Variants in PDLIM5 observed in about 807,000 individuals in gnomAD.
The protein encoded by PDLIM5 is PDZ and LIM domain 5.
PDLIM5 carries 34 observed loss-of-function variants against 64.2 expected under a neutral mutation model. That is an observed-to-expected ratio of 0.53 (90% CI 0.40 to 0.71). PDLIM5 has a LOEUF of 0.71. Among genes scored for constraint, PDLIM5 ranks in the 30% least tolerant of loss-of-function variants. PDLIM5 has a pLI of 0.00. For missense variants in PDLIM5, 683 were observed against 733.6 expected, an observed-to-expected ratio of 0.93 and a Z score of 0.80; for synonymous variants, 253 against 269.1, an observed-to-expected ratio of 0.94 and a Z score of 0.59.
chr4:94,582,099 C>T (rs1254420865), intron 5 of PDLIM5, among the ~76,000 whole-genome samples: 3 of 152,090 alleles, frequency 2.0e-5, no homozygotes, highest in Non-Finnish European at 2.9e-5. Context: ...TCATCATAGT[C>T]GCTACTAAGA....
intron 9 of PDLIM5, among the ~76,000 whole-genome samples, chr4:94,647,108 A>G (rs1741477064): frequency 6.6e-6 from 1 of 152,206 alleles, no homozygotes; most frequent in Admixed American, 6.5e-5. Flanking sequence ...GGCATACAAC[A>G]TAGAGAAAAT....
rs1339401840 is a variant in PDLIM5 at position 94,455,319 on chromosome 4, C to T, written c.31C>T (p.Pro11Ser). The T allele has an allele frequency of 2.5e-6, 4 of 1,613,368 alleles. No individual in the cohort carries two copies. The highest frequency in any genetic ancestry group is 3.4e-6 in the Non-Finnish European group (4 of 1,179,302). Reference protein sequence around the residue: MSNYSVSLVGPAPWGFRLQGG... With the variant: MSNYSVSLVGSAPWGFRLQGG... The stretch of plus-strand genomic sequence containing the variant: ...CAACTACAGTGTGTCACTGGTTGGC[C>T]CAGCTCCTTGGGGTTTCCGGCTGCA... The change falls in exon 2 of 13, where the codon CCA becomes TCA. Residue 11 changes from proline to serine, a missense_variant. Physicochemically the swap from Pro to Ser is moderately conservative, Grantham distance 74. Transcript: ENST00000317968.
At chr4:94,589,698 T>G (rs1335821066) in intron 7 of PDLIM5, among the ~76,000 whole-genome samples, 2 of 150,314 alleles carry the variant, frequency 1.3e-5, no homozygotes, top group African/African-American at 4.9e-5. Flanking sequence ...CTTAAGAATG[T>G]TTTCAACCTT....
At chr4:94,481,756 C>T (rs547089987) in intron 2 of PDLIM5, among the ~76,000 whole-genome samples, 1 of 150,704 alleles carries the variant, frequency 6.6e-6, no homozygotes, top group South Asian at 2.1e-4. Flanking sequence ...CTACAGGCGC[C>T]CGCCACCACA....
At chr4:94,530,138 C>T (rs1050128921) in intron 3 of PDLIM5, among the ~76,000 whole-genome samples, 7 of 152,140 alleles carry the variant, frequency 4.6e-5, no homozygotes, top group Admixed American at 1.3e-4. Context: ...AGTGGCTAAA[C>T]TACTGGGCCT....
At chr4:94,513,687 C>G (rs114104594) in intron 2 of PDLIM5, among the ~76,000 whole-genome samples, 7,000 of 152,184 alleles carry the variant, frequency 0.046, 565 homozygotes, top group African/African-American at 0.16. Flanking sequence ...TTGACTTCTT[C>G]CTCTCCAGTT....
At chr4:94,481,620 T>C (rs1725857963) in intron 2 of PDLIM5, among the ~76,000 whole-genome samples, 1 of 152,104 alleles carries the variant, frequency 6.6e-6, no homozygotes, top group African/African-American at 2.4e-5. Flanking sequence ...TATTTCATTT[T>C]TTTTTTGAGA....
chr4:94,644,980 C>A (rs555851064), intron 9 of PDLIM5, among the ~76,000 whole-genome samples: 1 of 151,990 alleles, frequency 6.6e-6, no homozygotes, highest in East Asian at 1.9e-4. Flanking sequence ...TGAGTAAGTT[C>A]TTTAGAGTTG....
At chr4:94,531,610 C>T (rs1172153163) in intron 3 of PDLIM5, among the ~76,000 whole-genome samples, 2 of 152,144 alleles carry the variant, frequency 1.3e-5, no homozygotes, top group African/African-American at 4.8e-5. Flanking sequence ...GGGCCACATG[C>T]AGCCTGTGGG....
intron 5 of PDLIM5, among the ~76,000 whole-genome samples, chr4:94,581,360 T>C (rs1560718186): frequency 1.3e-5 from 2 of 152,208 alleles, no homozygotes; most frequent in Admixed American, 6.5e-5. Flanking sequence ...TTTAACTTCA[T>C]ATTAATATAA....
At chr4:94,565,736 G>A (rs1734263164) in intron 3 of PDLIM5, among the ~76,000 whole-genome samples, 1 of 152,070 alleles carries the variant, frequency 6.6e-6, no homozygotes, top group South Asian at 2.1e-4. Context: ...CCTCTTTTCT[G>A]GAAAAGTAAA....
At chr4:94,470,054 C>T in intron 2 of PDLIM5, among the ~76,000 whole-genome samples, 1 of 150,496 alleles carries the variant, frequency 6.6e-6, no homozygotes, top group African/African-American at 2.5e-5. Context: ...GCAACCTCCG[C>T]CTCTCGGGTT....
rs1228735089 is a variant in PDLIM5, at chr4:94,621,347, A to G, written c.1108+3156A>G. On this transcript the variant is annotated intron_variant, in intron 8 of 12. Transcript: ENST00000317968. ...AAAAATGCTAAGCTCAGCCCCATAC[A>G]TTTTTGAGTTATTTCTATTTATTTA... Among the ~76,000 whole-genome samples the G allele has an allele frequency of 5.9e-5, 9 of 152,132 alleles. No homozygotes were observed. In the East Asian group the frequency reaches 1.5e-3, roughly 26 times the overall value.
rs1224266645 is a variant in PDLIM5, at chr4:94,522,933, T to C, written c.97-791T>C. ...TCTTTAATTTGTACTTGTTTCATATTTCTAGATATCTATGAAAAGTTCACT... is the reference window on the plus strand; with the variant it reads ...TCTTTAATTTGTACTTGTTTCATATCTCTAGATATCTATGAAAAGTTCACT... On this transcript the variant is annotated intron_variant, in intron 2 of 12. Coordinates refer to ENST00000317968, the MANE Select transcript of PDLIM5 (RefSeq NM_006457.5). Among the ~76,000 whole-genome samples, 3 of 152,208 alleles carry C rather than the reference T, an allele frequency of 2.0e-5. No homozygotes were observed. The East Asian group carries it at 5.8e-4, about 29-fold the overall frequency.
chr4:94,502,719 A>G (rs1266044563), intron 2 of PDLIM5, among the ~76,000 whole-genome samples: 1 of 152,140 alleles, frequency 6.6e-6, no homozygotes, highest in Admixed American at 6.5e-5. Flanking sequence ...TCTACTAAAA[A>G]TACAAAAATT....
chr4:94,545,809 G>A (rs1165793526), intron 3 of PDLIM5, among the ~76,000 whole-genome samples: 1 of 152,092 alleles, frequency 6.6e-6, no homozygotes, highest in African/African-American at 2.4e-5. Context: ...TAAGGTCATG[G>A]TAGTTAGATG....
At chr4:94,548,039 A>G (rs1189289298) in intron 3 of PDLIM5, among the ~76,000 whole-genome samples, 1 of 152,174 alleles carries the variant, frequency 6.6e-6, no homozygotes, top group Non-Finnish European at 1.5e-5. Context: ...CCATTATCGT[A>G]GTTGATATGT....
chr4:94,627,910 T>G (rs1739831034), intron 8 of PDLIM5, among the ~76,000 whole-genome samples: 1 of 152,236 alleles, frequency 6.6e-6, no homozygotes, highest in South Asian at 2.1e-4. Flanking sequence ...AAACTCTTTC[T>G]GGGCAGATAT....
chr4:94,572,293 T>C (rs1734872753), intron 3 of PDLIM5, among the ~76,000 whole-genome samples: 1 of 152,172 alleles, frequency 6.6e-6, no homozygotes, highest in Non-Finnish European at 1.5e-5. Flanking sequence ...ACATAACATA[T>C]ACCTTAACAC....
Sources: gnomAD v4.1 joint callset for allele counts (sites outside exome capture counted in the v4.1 genomes callset) on GRCh38, gnomAD v4.1.1 for gene constraint, MANE v1.5 for transcripts, NCBI Gene and HGNC (gene_info 2026-07-23, HGNC 2026-07-21) for gene names.